B4GALT6: variants seen among roughly 807,000 people sequenced by gnomAD.
B4GALT6 encodes the protein beta-1,4-galactosyltransferase 6.
B4GALT6 carries 14 observed loss-of-function variants against 46.3 expected under a neutral mutation model. The observed-to-expected ratio is 0.30, with a 90% CI of 0.20 to 0.47. B4GALT6 has a LOEUF of 0.47. B4GALT6 is among the 20% of genes least tolerant of loss of function. B4GALT6 has a pLI of 0.99. For missense variants in B4GALT6, 386 were observed against 480.1 expected (o/e 0.80, Z 1.83); for synonymous variants, 168 against 162.0 (o/e 1.04, Z -0.28).
intron 2 of B4GALT6, among the ~76,000 whole-genome samples, chr18:31,659,204 G>A (rs747876404): frequency 1.3e-5 from 2 of 152,208 alleles, no homozygotes; most frequent in African/African-American, 2.4e-5. Context: ...TGAATGTTGA[G>A]TAATCTGCTC....
chr18:31,675,493 T>G (rs887062034), intron 1 of B4GALT6, among the ~76,000 whole-genome samples: 2 of 152,240 alleles, frequency 1.3e-5, no homozygotes, highest in Non-Finnish European at 2.9e-5. Context: ...AAAAGTAGAC[T>G]CTGAACCTAG....
intron 5 of B4GALT6, among the ~76,000 whole-genome samples, chr18:31,637,021 A>G (rs546815201): frequency 2.0e-5 from 3 of 152,198 alleles, no homozygotes; most frequent in African/African-American, 7.2e-5. Context: ...AGGTTTCACC[A>G]TCTTGGCCAG....
At chr18:31,633,712 G>C (rs1454449925) in intron 5 of B4GALT6, among the ~76,000 whole-genome samples, 1 of 152,140 alleles carries the variant, frequency 6.6e-6, no homozygotes, top group African/African-American at 2.4e-5. Flanking sequence ...GCCTTCTCCA[G>C]AGTGCACAGC....
rs1335707402 is a variant in B4GALT6 at position 31,638,759 on chromosome 18, A to G, written c.473T>C (p.Val158Ala). 1 of 1,602,034 alleles carries G rather than the reference A, an allele frequency of 6.2e-7. No homozygotes were observed. The highest frequency in any genetic ancestry group is 1.3e-5 in the African/African-American group (1 of 74,742). ...RPKDCKPRWKVAVLIPFRNRH... is the reference protein window; with the variant it reads ...RPKDCKPRWKAAVLIPFRNRH... ...ATTACGGAAAGGAATGAGAACTGCC[A>G]CCTTTAAAACAAAATAGTCATGTAT... The change falls in exon 5 of 9, where the codon GTG (valine) becomes GCG (alanine). Residue 158 changes from valine to alanine, a missense_variant and splice_region_variant. Coordinates refer to ENST00000306851, the MANE Select transcript of B4GALT6 (RefSeq NM_004775.5).
At chr18:31,724,247 G>C in the B4GALT6 span, 1 of 348,498 alleles carries the variant, frequency 2.9e-6, no homozygotes, top group South Asian at 3.0e-5. Flanking sequence ...CTCAGTGCGC[G>C]GCGCCAGCGC....
intron 2 of B4GALT6, among the ~76,000 whole-genome samples, chr18:31,664,792 G>C (rs1053871301): frequency 2.0e-5 from 3 of 152,156 alleles, no homozygotes; most frequent in African/African-American, 7.2e-5. Context: ...CTTTTAAAAT[G>C]TTTAAACTTC....
At chr18:31,668,300 GACT>G (rs2074306810) in intron 1 of B4GALT6, among the ~76,000 whole-genome samples, 1 of 152,072 alleles carries the variant, frequency 6.6e-6, no homozygotes, top group Non-Finnish European at 1.5e-5. Flanking sequence ...AGAAACTGGG[GACT>G]ACTACAAGAG....
intron 3 of B4GALT6, among the ~76,000 whole-genome samples, chr18:31,651,137 C>G (rs950365245): frequency 6.6e-6 from 1 of 152,114 alleles, no homozygotes; most frequent in Non-Finnish European, 1.5e-5. Context: ...ATGACCTTCA[C>G]CCGATCACAG....
upstream of B4GALT6, among the ~76,000 whole-genome samples, chr18:31,688,247 G>GTATATATATATACA (rs1446391049): frequency 9.4e-6 from 1 of 106,466 alleles, no homozygotes; most frequent in African/African-American, 4.8e-5. Flanking sequence ...ATAATTGAGT[G>GTATATATATATACA]TATATATATA....
chr18:31,701,700 C>G, the B4GALT6 span, among the ~76,000 whole-genome samples: 1 of 152,072 alleles, frequency 6.6e-6, no homozygotes, highest in Non-Finnish European at 1.5e-5. Context: ...TCTATTGTCT[C>G]AGGATGGGGA....
the B4GALT6 span, among the ~76,000 whole-genome samples, chr18:31,717,531 A>T: frequency 6.6e-6 from 1 of 152,192 alleles, no homozygotes; most frequent in Admixed American, 6.5e-5. Flanking sequence ...AAAATAATAA[A>T]ATTACAATAT....
At chr18:31,715,048 C>T in the B4GALT6 span, among the ~76,000 whole-genome samples, 5 of 152,070 alleles carry the variant, frequency 3.3e-5, no homozygotes, top group South Asian at 4.1e-4. Context: ...TGTATTTTAT[C>T]GGAAATTTTA....
At chr18:31,685,236 G>A (rs2074532229), upstream of B4GALT6, among the ~76,000 whole-genome samples, 1 of 150,874 alleles carries the variant, frequency 6.6e-6, no homozygotes, top group East Asian at 2.0e-4. Context: ...ACCGCCGCGC[G>A]CCCGGGGTGA....
chr18:31,649,580 A>T (rs2144603467), intron 3 of B4GALT6, among the ~76,000 whole-genome samples: 1 of 149,718 alleles, frequency 6.7e-6, no homozygotes, highest in African/African-American at 2.5e-5. Flanking sequence ...ATGAGCAAAA[A>T]AAAAAAAAAA....
chr18:31,709,534 T>C, the B4GALT6 span, among the ~76,000 whole-genome samples: 2 of 146,438 alleles, frequency 1.4e-5, no homozygotes, highest in African/African-American at 2.5e-5. Flanking sequence ...AGGGTTACAG[T>C]AGGATCAATA....
At chr18:31,668,577 CTTAATG>C (rs1213233207) in intron 1 of B4GALT6, among the ~76,000 whole-genome samples, 1 of 151,972 alleles carries the variant, frequency 6.6e-6, no homozygotes. Flanking sequence ...TGTTTTTGTT[CTTAATG>C]TTAGTTTCAT....
chr18:31,678,485 T>A (rs531142911), intron 1 of B4GALT6, among the ~76,000 whole-genome samples: 1 of 152,226 alleles, frequency 6.6e-6, no homozygotes, highest in Non-Finnish European at 1.5e-5. Context: ...AAATCTTCCA[T>A]TGTCCAGGGC....
chr18:31,651,893 C>T (rs1173872976), intron 3 of B4GALT6, among the ~76,000 whole-genome samples: 1 of 152,152 alleles, frequency 6.6e-6, no homozygotes. Flanking sequence ...GCCTCAGCCT[C>T]CCCAGTAGCT....
In B4GALT6 at chr18:31,627,132, A is replaced by C. The variant is rs1567956219; in HGVS notation, c.777-11T>G. On this transcript the variant is annotated splice_polypyrimidine_tract_variant and intron_variant, in intron 6 of 8. Coordinates refer to ENST00000306851, the MANE Select transcript of B4GALT6 (RefSeq NM_004775.5). The stretch of plus-strand genomic sequence containing the variant: ...TCTTTATATGGAAGACTAGAAAAGA[A>C]AGACACAGTATTCTAAAAATAAAAT... 2 of 1,585,466 alleles carry C rather than the reference A, an allele frequency of 1.3e-6. No individual in the cohort carries two copies. Among genetic ancestry groups the C allele is most frequent in the Admixed American group, 3.8e-5 (2 of 53,174 alleles).
Sources: gnomAD v4.1 joint callset for allele counts (sites outside exome capture counted in the v4.1 genomes callset) on GRCh38, gnomAD v4.1.1 for gene constraint, MANE v1.5 for transcripts, NCBI Gene and HGNC (gene_info 2026-07-23, HGNC 2026-07-21) for gene names.